Variants in PPP2R3A observed in about 807,000 individuals in gnomAD.
PPP2R3A encodes serine/threonine-protein phosphatase 2A regulatory subunit B'' subunit alpha.
A neutral mutation model predicts 106.9 loss-of-function variants in PPP2R3A; 80 were observed. The ratio of observed to expected loss-of-function variants is 0.75; its 90% CI spans 0.62 to 0.90. PPP2R3A has a LOEUF of 0.90. Among genes scored for constraint, PPP2R3A ranks in the 40% least tolerant of loss-of-function variants. PPP2R3A has a pLI of 0.00. For synonymous variants in PPP2R3A, 483 were observed against 468.3 expected, an observed-to-expected ratio of 1.03 and a Z score of -0.41; for missense variants, 1,386 against 1,350.4, an observed-to-expected ratio of 1.03 and a Z score of -0.41.
At chr3:136,096,547 C>G (rs1576499848) in intron 10 of PPP2R3A, among the ~76,000 whole-genome samples, 2 of 152,220 alleles carry the variant, frequency 1.3e-5, no homozygotes, top group Non-Finnish European at 2.9e-5. Flanking sequence ...TCTGCTTCTA[C>G]CTTAGTCATC....
chr3:136,056,561 T>C (rs1215084821), intron 5 of PPP2R3A, among the ~76,000 whole-genome samples: 1 of 152,122 alleles, frequency 6.6e-6, no homozygotes, highest in Non-Finnish European at 1.5e-5. Flanking sequence ...ACAAAACCTT[T>C]ATCTTACACC....
chr3:136,101,111 G>A (rs1052422632), intron 10 of PPP2R3A, among the ~76,000 whole-genome samples: 1 of 152,288 alleles, frequency 6.6e-6, no homozygotes. Context: ...AGACTAAGCA[G>A]CCCAGATTAG....
chr3:136,021,635 T>A (rs1190993571), intron 2 of PPP2R3A, among the ~76,000 whole-genome samples: 1 of 152,156 alleles, frequency 6.6e-6, no homozygotes, highest in African/African-American at 2.4e-5. Context: ...ATGTTTGGTG[T>A]ATATTTTCTA....
rs114581234 is a variant in PPP2R3A, at chr3:136,099,023, T to C, written c.2928-2984T>C. Among the ~76,000 whole-genome samples the C allele has an allele frequency of 3.1e-3, 475 of 152,136 alleles. 6 individuals carry two copies. The highest frequency in any genetic ancestry group is 0.011 in the African/African-American group (459 of 41,480). ...TGATCTTGAAAACAGATAAAATGAG[T>C]GTATGCATACTGAATGCTGAGACGC... On this transcript the variant is annotated intron_variant, in intron 10 of 13. Coordinates refer to ENST00000264977, the MANE Select transcript of PPP2R3A (RefSeq NM_002718.5).
intron 2 of PPP2R3A, among the ~76,000 whole-genome samples, chr3:136,013,599 C>A (rs188770639): frequency 5.3e-5 from 8 of 151,974 alleles, no homozygotes; most frequent in Non-Finnish European, 1.2e-4. Flanking sequence ...TTTTGCTGAT[C>A]GTTAGTGATG....
chr3:136,051,471 A>G (rs1935684997), intron 5 of PPP2R3A, among the ~76,000 whole-genome samples: 1 of 152,166 alleles, frequency 6.6e-6, no homozygotes, highest in South Asian at 2.1e-4. Context: ...CAGGGATTAC[A>G]GGCACCCACC....
At chr3:135,988,174 C>G (rs1348839549) in intron 1 of PPP2R3A, among the ~76,000 whole-genome samples, 1 of 151,902 alleles carries the variant, frequency 6.6e-6, no homozygotes, top group Non-Finnish European at 1.5e-5. Context: ...TACTTCCTCT[C>G]CCACAAACAA....
At chr3:135,987,790 A>G (rs755992881) in intron 1 of PPP2R3A, among the ~76,000 whole-genome samples, 15 of 152,308 alleles carry the variant, frequency 9.8e-5, no homozygotes, top group African/African-American at 3.4e-4. Flanking sequence ...AGTTATTTCA[A>G]TTGGCTGTAT....
chr3:136,091,292 A>G (rs1430343668), intron 10 of PPP2R3A, among the ~76,000 whole-genome samples: 2 of 152,152 alleles, frequency 1.3e-5, no homozygotes, highest in Non-Finnish European at 2.9e-5. Flanking sequence ...TAACTCAACT[A>G]TCTTAATATT....
chr3:136,061,926 C>CAAAAAAAAAA (rs369373163), intron 5 of PPP2R3A, among the ~76,000 whole-genome samples: 1 of 84,162 alleles, frequency 1.2e-5, no homozygotes. Context: ...GACTCTATCT[C>CAAAAAAAAAA]AAAAAAAAAA....
At chr3:135,967,437 A>G (rs1937120001) in intron 1 of PPP2R3A, among the ~76,000 whole-genome samples, 1 of 152,186 alleles carries the variant, frequency 6.6e-6, no homozygotes. Context: ...TGAAGGGCCT[A>G]TCTGACTTTA....
At chr3:136,047,597 A>G (rs1380143192) in intron 4 of PPP2R3A, among the ~76,000 whole-genome samples, 1 of 152,208 alleles carries the variant, frequency 6.6e-6, no homozygotes, top group Non-Finnish European at 1.5e-5. Flanking sequence ...CATCAAGTAC[A>G]CATGGACATA....
At position 136,131,831 on chromosome 3, in the gene PPP2R3A, C is replaced by T. The variant is rs138183747; in HGVS notation, c.3330-13212C>T. ...TATACACCATGGAATACTATGCAGC[C>T]ATAAAAAAGGATGAGTTCATGTCCT... On this transcript the variant is annotated intron_variant, in intron 13 of 13. Coordinates refer to ENST00000264977, the MANE Select transcript of PPP2R3A (RefSeq NM_002718.5). Among the ~76,000 whole-genome samples the T allele has an allele frequency of 4.8e-3, 733 of 152,154 alleles. 6 individuals are homozygous for T. Among genetic ancestry groups the T allele is most frequent in the African/African-American group, 0.017 (695 of 41,496 alleles).
chr3:136,068,166 C>A (rs902859224), intron 5 of PPP2R3A, among the ~76,000 whole-genome samples: 4 of 151,686 alleles, frequency 2.6e-5, no homozygotes, highest in African/African-American at 9.7e-5. Context: ...TTCAGTGAGC[C>A]AAGATGGAGT....
At chr3:135,983,187 T>G (rs760414590) in intron 1 of PPP2R3A, among the ~76,000 whole-genome samples, 18 of 152,236 alleles carry the variant, frequency 1.2e-4, no homozygotes, top group Non-Finnish European at 1.9e-4. Flanking sequence ...CTGCATTTTC[T>G]TCTTACAGAT....
intron 10 of PPP2R3A, among the ~76,000 whole-genome samples, chr3:136,096,423 T>C (rs1232657220): frequency 6.6e-6 from 1 of 152,232 alleles, no homozygotes; most frequent in Non-Finnish European, 1.5e-5. Context: ...TTCCTATGCC[T>C]GGTAACAGAG....
At chr3:136,088,215 C>T (rs1255291737) in intron 9 of PPP2R3A, among the ~76,000 whole-genome samples, 4 of 152,156 alleles carry the variant, frequency 2.6e-5, no homozygotes, top group Non-Finnish European at 5.9e-5. Context: ...GAGCACAACA[C>T]CCAACAGGCA....
In PPP2R3A at chr3:136,026,864, AC is replaced by A. The variant is rs753692917; in HGVS notation, c.2030del (p.Pro677HisfsTer21). 3.1e-6 allele frequency: 5 copies of A among 1,611,646 alleles called. No individual in the cohort carries two copies. In the African/African-American group the frequency reaches 6.7e-5, roughly 22 times the overall value. On this transcript the variant is annotated frameshift_variant, in exon 3 of 14. Transcript: ENST00000264977. LOFTEE classifies it high-confidence loss of function. ...ATAAACCAGAAAAGAAACCTGGAAC[AC>A]CACTCCCACCTCCAGCCACCTCTCC... Reference protein sequence around the residue: ...QNKPEKKPGTPLPPPATSPSS... With the variant: ...QNKPEKKPGTXLPPPATSPSS...
intron 2 of PPP2R3A, among the ~76,000 whole-genome samples, 182 bp from the exon 3 acceptor site, chr3:136,026,650 A>G (rs1934669109): frequency 6.6e-6 from 1 of 152,160 alleles, no homozygotes; most frequent in South Asian, 2.1e-4. Context: ...CAGATAATTA[A>G]TAAATTAATT....
Sources: gnomAD v4.1 joint callset for allele counts (sites outside exome capture counted in the v4.1 genomes callset) on GRCh38, gnomAD v4.1.1 for gene constraint, MANE v1.5 for transcripts, NCBI Gene and HGNC (gene_info 2026-07-23, HGNC 2026-07-21) for gene names.